Variants in SLC13A3 observed in about 807,000 individuals in gnomAD.
The protein encoded by SLC13A3 is Na(+)/dicarboxylate cotransporter 3.
In SLC13A3, 40 loss-of-function variants were observed where a neutral mutation model predicts 59.0. That is an observed-to-expected ratio of 0.68 (90% confidence interval 0.53 to 0.88). The LOEUF (loss-of-function observed/expected upper bound fraction) is 0.88. SLC13A3 is among the 40% of genes least tolerant of loss of function. The pLI is 0.00. For missense variants in SLC13A3, 699 were observed against 783.2 expected (o/e 0.89, Z 1.28); for synonymous variants, 317 against 330.3 (o/e 0.96, Z 0.44).
chr20:46,592,306 A>C, intron 6 of SLC13A3, 98 bp downstream of exon 6: 3 of 1,432,468 alleles, frequency 2.1e-6, no homozygotes, highest in Non-Finnish European at 2.9e-6. Flanking sequence ...ATACAACATG[A>C]AATAACAATC....
intron 8 of SLC13A3, chr20:46,584,245 G>C: frequency 1.0e-6 from 1 of 985,422 alleles, no homozygotes; most frequent in Non-Finnish European, 1.2e-6. Flanking sequence ...GAGAATCAGA[G>C]GGTCAAAGAG....
chr20:46,614,550 C>A (rs1225507567), intron 1 of SLC13A3, among the ~76,000 whole-genome samples: 2 of 152,194 alleles, frequency 1.3e-5, no homozygotes, highest in Admixed American at 6.5e-5. Flanking sequence ...ACTGCCACAT[C>A]CTTACACGGT....
intron 1 of SLC13A3, among the ~76,000 whole-genome samples, chr20:46,617,793 G>C (rs551539458): frequency 6.6e-6 from 1 of 152,120 alleles, no homozygotes; most frequent in Admixed American, 6.5e-5. Flanking sequence ...CACATTCTGC[G>C]CAAAACTGAC....
intron 1 of SLC13A3, among the ~76,000 whole-genome samples, chr20:46,679,607 C>A (rs1259649226): frequency 1.3e-5 from 2 of 149,712 alleles, no homozygotes; most frequent in African/African-American, 2.5e-5. Context: ...GAGCGAGACT[C>A]CGTCTCAAAA....
chr20:46,683,194 G>A (rs576800137), intron 1 of SLC13A3, among the ~76,000 whole-genome samples: 28 of 152,300 alleles, frequency 1.8e-4, no homozygotes, highest in Non-Finnish European at 3.2e-4. Flanking sequence ...GGGCAAAAGA[G>A]TCCTCGGCGG....
rs2062212175 is a variant in SLC13A3 at position 46,588,039 on chromosome 20, G to A, written c.1121+20C>T. 2.0e-6 allele frequency: 3 copies of A among 1,506,196 alleles called. No individual in the cohort carries two copies. The highest frequency in any genetic ancestry group is 1.8e-6 in the Non-Finnish European group (2 of 1,093,550). The allele number at this position is 1,506,196 out of a possible 1,614,324, so 93.3% of individuals were successfully genotyped here. A position where few individuals can be genotyped will look rare whatever the true frequency, so the allele number is the denominator to read the frequency against. ...AATCCTCCCTGTTGGACTCCTCCCT[G>A]TGGGTCCCCAGAGTCTCACCCAGGA... On this transcript the variant is annotated intron_variant, in intron 8 of 12. Transcript: ENST00000279027.
chr20:46,582,988 A>G (rs2062153361), intron 9 of SLC13A3: 1 of 985,648 alleles, frequency 1.0e-6, no homozygotes, highest in Non-Finnish European at 1.2e-6. Context: ...CTCAGTCCCC[A>G]ACACTTCCTA....
At chr20:46,589,977 A>G (rs975813055) in intron 6 of SLC13A3, among the ~76,000 whole-genome samples, 1 of 152,226 alleles carries the variant, frequency 6.6e-6, no homozygotes, top group African/African-American at 2.4e-5. Flanking sequence ...CTCAGAAGAA[A>G]GGGCAGTGGT....
At chr20:46,612,032 T>C (rs577926863) in intron 2 of SLC13A3, among the ~76,000 whole-genome samples, 10 of 151,468 alleles carry the variant, frequency 6.6e-5, no homozygotes, top group South Asian at 4.2e-4. Flanking sequence ...CCTGAGGCTC[T>C]GTCACCCAAA....
chr20:46,610,335 A>T, intron 3 of SLC13A3, 111 bp downstream of exon 3: 1 of 939,600 alleles, frequency 1.1e-6, no homozygotes, highest in Non-Finnish European at 1.6e-6. Flanking sequence ...GACGCATAGT[A>T]GGTGCTCAAT....
At chr20:46,597,911 T>C (rs2062331252) in intron 4 of SLC13A3, among the ~76,000 whole-genome samples, 1 of 152,256 alleles carries the variant, frequency 6.6e-6, no homozygotes, top group South Asian at 2.1e-4. Context: ...AGAATTGCTG[T>C]AGCACTGATA....
chr20:46,622,988 G>T (rs892898751), intron 1 of SLC13A3, among the ~76,000 whole-genome samples: 1 of 152,118 alleles, frequency 6.6e-6, no homozygotes, highest in Non-Finnish European at 1.5e-5. Context: ...CCACGAAAAA[G>T]CTCCAAGCCC....
At chr20:46,651,036 G>A (rs1221645477) in intron 1 of SLC13A3, among the ~76,000 whole-genome samples, 1 of 152,140 alleles carries the variant, frequency 6.6e-6, no homozygotes, top group East Asian at 1.9e-4. Flanking sequence ...CTGGGTGACC[G>A]GCGAGAACCT....
intron 1 of SLC13A3, among the ~76,000 whole-genome samples, chr20:46,614,516 G>T (rs565116195): frequency 2.0e-5 from 3 of 152,324 alleles, no homozygotes; most frequent in East Asian, 1.9e-4. Flanking sequence ...CACCAGTGGG[G>T]GTGTGGAGTT....
At chr20:46,562,185 G>A (rs528282513) in intron 12 of SLC13A3, among the ~76,000 whole-genome samples, 2 of 152,302 alleles carry the variant, frequency 1.3e-5, no homozygotes, top group South Asian at 4.1e-4. Context: ...ACAGACAGAA[G>A]TGAAATCACA....
chr20:46,604,068 T>C (rs1353011991), intron 3 of SLC13A3, among the ~76,000 whole-genome samples: 5 of 151,470 alleles, frequency 3.3e-5, no homozygotes, highest in African/African-American at 4.9e-5. Context: ...TGGGTTACCA[T>C]AGAGAAAGAA....
chr20:46,572,083 T>C (rs1399793219), intron 10 of SLC13A3, among the ~76,000 whole-genome samples: 1 of 152,086 alleles, frequency 6.6e-6, no homozygotes, highest in Admixed American at 6.5e-5. Flanking sequence ...AAAACTGTAG[T>C]GAGGACCCTA....
intron 1 of SLC13A3, among the ~76,000 whole-genome samples, chr20:46,619,359 T>C (rs555461399): frequency 6.6e-6 from 1 of 152,376 alleles, no homozygotes; most frequent in South Asian, 2.1e-4. Context: ...GCTCTGTCAT[T>C]AGAGCCTGAG....
intron 1 of SLC13A3, among the ~76,000 whole-genome samples, chr20:46,624,121 A>T (rs2122785153): frequency 6.6e-6 from 1 of 152,176 alleles, no homozygotes; most frequent in Non-Finnish European, 1.5e-5. Context: ...ACTGTCTCCC[A>T]CAAGGCATGC....
Sources: allele counts gnomAD v4.1 joint callset (sites outside exome capture counted in the v4.1 genomes callset), GRCh38; gene constraint gnomAD v4.1.1; transcripts MANE v1.5; gene names NCBI Gene and HGNC (gene_info 2026-07-23, HGNC 2026-07-21).